CNTNAP2: variants seen among roughly 807,000 people sequenced by gnomAD.
CNTNAP2 encodes the protein contactin associated protein 2.
Under a neutral mutation model 155.2 loss-of-function variants are expected in CNTNAP2, and 98 were observed. That is an observed-to-expected ratio of 0.63 (90% CI 0.54 to 0.75). CNTNAP2 has a LOEUF of 0.75. Ranked by LOEUF, CNTNAP2 falls within the 30% of genes least tolerant of loss-of-function variation. The pLI, the probability that CNTNAP2 is intolerant of heterozygous loss-of-function variation, is 0.00. For missense variants in CNTNAP2, 1,727 were observed against 1,688.1 expected, an observed-to-expected ratio of 1.02 and a Z score of -0.40; for synonymous variants, 651 against 631.2, an observed-to-expected ratio of 1.03 and a Z score of -0.47.
intron 4 of CNTNAP2, among the ~76,000 whole-genome samples, chr7:147,090,115 C>T (rs533928882): frequency 4.6e-5 from 7 of 152,258 alleles, no homozygotes; most frequent in Admixed American, 1.3e-4. Context: ...CCAAGCAAGA[C>T]GCCCAATTTG....
intron 5 of CNTNAP2, among the ~76,000 whole-genome samples, chr7:147,116,765 G>T (rs1050992890): frequency 2.6e-5 from 4 of 151,650 alleles, no homozygotes; most frequent in African/African-American, 7.3e-5. Context: ...AGGCAGGTGT[G>T]GTTGGAGGGC....
intron 21 of CNTNAP2, among the ~76,000 whole-genome samples, chr7:148,278,984 A>G (rs1796927076): frequency 6.6e-6 from 1 of 152,182 alleles, no homozygotes; most frequent in Admixed American, 6.5e-5. Flanking sequence ...CAAGGACAGG[A>G]AGAAAACCAA....
chr7:147,683,587 T>C (rs1415087216), intron 13 of CNTNAP2, among the ~76,000 whole-genome samples: 1 of 151,846 alleles, frequency 6.6e-6, no homozygotes, highest in Non-Finnish European at 1.5e-5. Context: ...TCCATATTAT[T>C]ATCTCTTCCA....
chr7:148,312,071 G>A (rs1797605145), intron 21 of CNTNAP2, among the ~76,000 whole-genome samples: 1 of 152,206 alleles, frequency 6.6e-6, no homozygotes, highest in African/African-American at 2.4e-5. Context: ...ACTGTAGACA[G>A]TGAGTTTAAC....
chr7:146,662,684 G>A (rs1800113443), intron 1 of CNTNAP2, among the ~76,000 whole-genome samples: 1 of 22,752 alleles, frequency 4.4e-5, no homozygotes, highest in Non-Finnish European at 3.4e-4. Context: ...TTGTGTAAAA[G>A]ATGTCACAAA....
intron 9 of CNTNAP2, among the ~76,000 whole-genome samples, chr7:147,329,163 C>T (rs569028767): frequency 5.9e-5 from 9 of 152,034 alleles, no homozygotes; most frequent in East Asian, 3.9e-4. Flanking sequence ...CACACACCCA[C>T]GCATATACAC....
chr7:147,507,999 G>C (rs966911740), intron 11 of CNTNAP2, among the ~76,000 whole-genome samples: 3 of 152,060 alleles, frequency 2.0e-5, no homozygotes, highest in African/African-American at 7.2e-5. Flanking sequence ...CTCTCCAGCT[G>C]TGTCCTCAGG....
intron 1 of CNTNAP2, among the ~76,000 whole-genome samples, chr7:146,126,597 TC>T (rs1176877724): frequency 6.6e-6 from 1 of 152,244 alleles, no homozygotes; most frequent in Non-Finnish European, 1.5e-5. Flanking sequence ...ATAAAAGCTG[TC>T]TTTAAATCAG....
At chr7:147,512,508 C>T (rs180940892) in intron 11 of CNTNAP2, among the ~76,000 whole-genome samples, 3 of 152,184 alleles carry the variant, frequency 2.0e-5, no homozygotes, top group East Asian at 1.9e-4. Context: ...AACTTTCATA[C>T]ATCATTTTTT....
At chr7:146,182,335 T>C (rs1258078887) in intron 1 of CNTNAP2, among the ~76,000 whole-genome samples, 1 of 152,136 alleles carries the variant, frequency 6.6e-6, no homozygotes, top group East Asian at 1.9e-4. Flanking sequence ...GTAACACTCC[T>C]GAAAATGGCT....
chr7:146,809,126 T>G (rs1356753466), intron 2 of CNTNAP2, among the ~76,000 whole-genome samples: 1 of 152,214 alleles, frequency 6.6e-6, no homozygotes, highest in Non-Finnish European at 1.5e-5. Flanking sequence ...ATTTTTAATT[T>G]TTTGAGGAAT....
chr7:147,397,104 A>G (rs891008390), intron 10 of CNTNAP2, among the ~76,000 whole-genome samples: 1 of 152,094 alleles, frequency 6.6e-6, no homozygotes, highest in African/African-American at 2.4e-5. Context: ...ACTTCTATAA[A>G]GCCTTCACAT....
intron 13 of CNTNAP2, among the ~76,000 whole-genome samples, chr7:147,660,136 G>A (rs1429954628): frequency 6.6e-6 from 1 of 152,166 alleles, no homozygotes; most frequent in African/African-American, 2.4e-5. Flanking sequence ...CTCAACACAA[G>A]ACAAACTCCT....
chr7:147,108,788 G>C (rs1186765243), intron 5 of CNTNAP2, among the ~76,000 whole-genome samples: 1 of 152,152 alleles, frequency 6.6e-6, no homozygotes, highest in Non-Finnish European at 1.5e-5. Flanking sequence ...GCTAATATTA[G>C]AATGTGTGGT....
chr7:147,418,489 T>G (rs1226652502), intron 10 of CNTNAP2, among the ~76,000 whole-genome samples: 1 of 152,206 alleles, frequency 6.6e-6, no homozygotes, highest in Non-Finnish European at 1.5e-5. Context: ...CTTACACAAT[T>G]TATTATTTTT....
At chr7:147,328,088 C>T (rs1200048007) in intron 9 of CNTNAP2, among the ~76,000 whole-genome samples, 6 of 151,876 alleles carry the variant, frequency 4.0e-5, no homozygotes, top group Non-Finnish European at 7.4e-5. Flanking sequence ...ACAAAAATAA[C>T]GAGCAAGTGT....
chr7:146,862,323 C>T (rs1795118214), intron 3 of CNTNAP2, among the ~76,000 whole-genome samples: 1 of 151,916 alleles, frequency 6.6e-6, no homozygotes, highest in African/African-American at 2.4e-5. Flanking sequence ...GCATTTGGAC[C>T]TTTCTTAATG....
At chr7:147,008,538 CAAAAG>C in intron 3 of CNTNAP2, among the ~76,000 whole-genome samples, 1 of 151,692 alleles carries the variant, frequency 6.6e-6, no homozygotes, top group East Asian at 1.9e-4. Context: ...GATTAGTTAA[CAAAAG>C]AAAACAAACA....
chr7:146,517,042 A>G (rs561116510), intron 1 of CNTNAP2, among the ~76,000 whole-genome samples: 1 of 152,082 alleles, frequency 6.6e-6, no homozygotes, highest in South Asian at 2.1e-4. Context: ...AGTAAAAACA[A>G]TTCATAAGTT....
Sources: allele counts gnomAD v4.1 joint callset (sites outside exome capture counted in the v4.1 genomes callset), GRCh38; gene constraint gnomAD v4.1.1; transcripts MANE v1.5; gene names NCBI Gene and HGNC (gene_info 2026-07-23, HGNC 2026-07-21).